SYCP2L: variants seen among roughly 807,000 people sequenced by gnomAD.
SYCP2L encodes synaptonemal complex protein 2 like.
SYCP2L carries 98 observed loss-of-function variants against 125.8 expected under a neutral mutation model. That is an observed-to-expected ratio of 0.78 (90% CI 0.66 to 0.92). The LOEUF is 0.92. Among genes scored for constraint, SYCP2L ranks in the 40% least tolerant of loss-of-function variants. SYCP2L has a pLI of 0.00. For missense variants in SYCP2L, 842 were observed against 936.4 expected, an observed-to-expected ratio of 0.90 and a Z score of 1.32; for synonymous variants, 317 against 325.4, an observed-to-expected ratio of 0.97 and a Z score of 0.28.
intron 4 of SYCP2L, among the ~76,000 whole-genome samples, chr6:10,895,578 C>T (rs1184019432): frequency 1.3e-5 from 2 of 151,812 alleles, no homozygotes; most frequent in African/African-American, 4.8e-5. Flanking sequence ...ACGCTTGCTA[C>T]CGTGGCGTGC....
chr6:10,943,416 T>C (rs1010560639), intron 23 of SYCP2L, among the ~76,000 whole-genome samples: 2 of 152,218 alleles, frequency 1.3e-5, no homozygotes, highest in Non-Finnish European at 2.9e-5. Context: ...AACATTACTA[T>C]TGCTTTCAAA....
At chr6:10,887,539 C>T (rs2113272916) in intron 1 of SYCP2L, among the ~76,000 whole-genome samples, 1 of 152,126 alleles carries the variant, frequency 6.6e-6, no homozygotes, top group Non-Finnish European at 1.5e-5. Flanking sequence ...CAAAGGACAG[C>T]CCCTAAGATA....
At chr6:10,952,010 G>A (rs1225741) in intron 23 of SYCP2L, among the ~76,000 whole-genome samples, 59,208 of 152,042 alleles carry the variant, frequency 0.39, 12,098 homozygotes, top group Non-Finnish European at 0.45. Flanking sequence ...TCTTGTGAGA[G>A]CAGGAGCACA....
Position 10,955,082 on chromosome 6 carries a change from G to A in SYCP2L, c.1955-34G>A, listed in dbSNP as rs182862528. ...GCCAAAAAATGAACAAGATAATTTC[G>A]GGTCAAAAGGAAATGTGCTCTGTTT... On this transcript the variant is annotated intron_variant, in intron 23 of 29. Coordinates refer to ENST00000283141, the MANE Select transcript of SYCP2L (RefSeq NM_001040274.3). The A allele has an allele frequency of 6.7e-5, 98 of 1,464,140 alleles. No individual in the cohort carries two copies. In the African/African-American group the frequency reaches 9.9e-4, roughly 15 times the overall value. The allele number at this position is 1,464,140 out of a possible 1,614,324, so 90.7% of individuals were successfully genotyped here. A position where few individuals can be genotyped will look rare whatever the true frequency, so the allele number is the denominator to read the frequency against.
chr6:10,889,605 A>G (rs1215758245), intron 1 of SYCP2L, among the ~76,000 whole-genome samples: 3 of 140,506 alleles, frequency 2.1e-5, no homozygotes, highest in African/African-American at 8.0e-5. Flanking sequence ...CTCTACTTCT[A>G]TGAGATCAGC....
chr6:10,926,198 C>G (rs1405331242), intron 15 of SYCP2L, 141 bp from the exon 16 acceptor site: 1 of 636,666 alleles, frequency 1.6e-6, no homozygotes, highest in Non-Finnish European at 2.7e-6. Context: ...GTGGAATGAT[C>G]CTTCAGGAGA....
chr6:10,915,170 A>G (rs187909863), intron 14 of SYCP2L, among the ~76,000 whole-genome samples: 2 of 152,282 alleles, frequency 1.3e-5, no homozygotes, highest in Non-Finnish European at 2.9e-5. Context: ...CATTAATTTT[A>G]TATCTGGAAA....
intron 2 of SYCP2L, 43 bp from the exon 3 acceptor site, chr6:10,893,824 T>G: frequency 1.3e-6 from 2 of 1,590,038 alleles, no homozygotes; most frequent in Admixed American, 1.8e-5. Context: ...ATAAAATAAA[T>G]GTTCTTGGGG....
intron 19 of SYCP2L, 152 bp downstream of exon 19, chr6:10,930,666 T>C: frequency 1.3e-6 from 1 of 798,776 alleles, no homozygotes; most frequent in Non-Finnish European, 1.9e-6. Flanking sequence ...AAAGGCAAAA[T>C]GTACTGTGTA....
Position 10,930,516 on chromosome 6 carries a change from T to C in SYCP2L, c.1633+2T>C. 6.2e-7 allele frequency: 1 copy of C among 1,608,464 alleles called. No homozygotes were observed. Among genetic ancestry groups the C allele is most frequent in the Non-Finnish European group, 8.5e-7 (1 of 1,178,042 alleles). On this transcript the variant is annotated splice_donor_variant, in intron 19 of 29. Transcript: ENST00000283141. LOFTEE classifies it high-confidence loss of function. Reference sequence around the variant, plus strand: ...CAAGAACCAGAAGTAATTTGAGAAGTAAGTCTGGCATGTCTTCTTTTGAAT... The same window carrying C: ...CAAGAACCAGAAGTAATTTGAGAAGCAAGTCTGGCATGTCTTCTTTTGAAT...
intron 14 of SYCP2L, among the ~76,000 whole-genome samples, chr6:10,923,257 A>T (rs550356357): frequency 6.6e-6 from 1 of 151,380 alleles, no homozygotes; most frequent in Non-Finnish European, 1.5e-5. Context: ...AATGTGGTGT[A>T]TTCTTGGCCT....
At chr6:10,958,906 G>T (rs1235604113) in intron 26 of SYCP2L, 31 bp downstream of exon 26, 2 of 1,594,296 alleles carry the variant, frequency 1.3e-6, no homozygotes, top group East Asian at 4.5e-5. Context: ...CAAGGTCGTG[G>T]AAGTGTGATC....
chr6:10,956,299 C>A, intron 25 of SYCP2L, 57 bp downstream of exon 25: 2 of 1,312,016 alleles, frequency 1.5e-6, no homozygotes, highest in Non-Finnish European at 2.2e-6. Flanking sequence ...GGACATTATG[C>A]TAAGTGAAAT....
chr6:10,910,170 A>G lies in SYCP2L; in HGVS notation c.842A>G (p.His281Arg). 6.2e-7 allele frequency: 1 copy of G among 1,613,786 alleles called. No homozygotes were observed. The highest frequency in any genetic ancestry group is 8.5e-7 in the Non-Finnish European group (1 of 1,179,890). The change falls in exon 11 of 30, where the codon CAC (histidine) becomes CGC (arginine). Residue 281 changes from histidine to arginine, a missense_variant. Physicochemically the swap from His to Arg is conservative, Grantham distance 29. Transcript: ENST00000283141. The stretch of plus-strand genomic sequence containing the variant: ...AAGGACAGTAGACGTTTTCTCAATC[A>G]CCTAAACAACAGACTTGGTGACCAA... ...FETDSRRFLN[H>R]LNNRLGDQRR...
At chr6:10,971,625 T>C (rs1443144309) in intron 29 of SYCP2L, among the ~76,000 whole-genome samples, 1 of 152,184 alleles carries the variant, frequency 6.6e-6, no homozygotes, top group East Asian at 1.9e-4. Flanking sequence ...TTCCAAAGAT[T>C]ATTGTGATGC....
At chr6:10,964,666 G>T (rs769400268) in intron 29 of SYCP2L, among the ~76,000 whole-genome samples, 1 of 152,106 alleles carries the variant, frequency 6.6e-6, no homozygotes, top group African/African-American at 2.4e-5. Context: ...ATACACAAAC[G>T]TGTTTAATGG....
intron 23 of SYCP2L, among the ~76,000 whole-genome samples, chr6:10,948,866 C>T (rs554446656): frequency 6.6e-6 from 1 of 152,204 alleles, no homozygotes; most frequent in South Asian, 2.1e-4. Context: ...CCTTAATAGC[C>T]ACTGATATAC....
At chr6:10,925,986 A>T (rs1374535713) in intron 15 of SYCP2L, among the ~76,000 whole-genome samples, 2 of 152,202 alleles carry the variant, frequency 1.3e-5, no homozygotes, top group Non-Finnish European at 2.9e-5. Context: ...TGAGGACCCT[A>T]TAGTTGGGAA....
At chr6:10,939,078 C>T (rs528910470) in intron 21 of SYCP2L, among the ~76,000 whole-genome samples, 39 of 152,018 alleles carry the variant, frequency 2.6e-4, no homozygotes, top group African/African-American at 8.9e-4. Context: ...TGAGATCACG[C>T]CACTGCATTT....
Sources: gnomAD v4.1 joint callset for allele counts (sites outside exome capture counted in the v4.1 genomes callset) on GRCh38, gnomAD v4.1.1 for gene constraint, MANE v1.5 for transcripts, NCBI Gene and HGNC (gene_info 2026-07-23, HGNC 2026-07-21) for gene names.